NTRK2: variants seen among roughly 807,000 people sequenced by gnomAD.
The protein encoded by NTRK2 is BDNF/NT-3 growth factors receptor.
NTRK2 carries 13 observed loss-of-function variants against 94.5 expected under a neutral mutation model. The observed-to-expected ratio is 0.14, with a 90% CI of 0.09 to 0.22. NTRK2 has a LOEUF of 0.22. Ranked by LOEUF, NTRK2 falls within the 10% of genes least tolerant of loss-of-function variation. The pLI is 1.00. For synonymous variants in NTRK2, 372 were observed against 407.4 expected, an observed-to-expected ratio of 0.91 and a Z score of 1.05; for missense variants, 639 against 1,071.2, an observed-to-expected ratio of 0.60 and a Z score of 5.63.
chr9:84,739,199 C>T (rs1398858183), intron 9 of NTRK2, among the ~76,000 whole-genome samples: 1 of 152,024 alleles, frequency 6.6e-6, no homozygotes, highest in Non-Finnish European at 1.5e-5. Flanking sequence ...TACAGGCATG[C>T]ACCACCATGC....
rs78480824 is a variant in NTRK2, at chr9:84,670,815, G to A, written c.67G>A (p.Val23Met). 1.2e-5 allele frequency: 19 copies of A among 1,614,028 alleles called. No individual in the cohort carries two copies. Among genetic ancestry groups the A allele is most frequent in the Non-Finnish European group, 1.5e-5 (18 of 1,180,048 alleles). The change falls in exon 2 of 19, where the codon GTG becomes ATG. Residue 23 changes from valine to methionine, a missense_variant. Val to Met is a conservative substitution (Grantham distance 21). Around this residue, in one of 5 missense-constraint regions of NTRK2, gnomAD observed 206 missense variants for 251.5 expected, o/e 0.82. Transcript: ENST00000277120. ...GCTCTGGGGCTTCTGCTGGCTGGTT[G>A]TGGGCTTCTGGAGGGCCGCTTTCGC... is the stretch of plus-strand genomic sequence containing the variant. ...ARLWGFCWLV[V>M]GFWRAAFACP...
intron 2 of NTRK2, among the ~76,000 whole-genome samples, chr9:84,683,172 G>T (rs577753534): frequency 2.6e-5 from 4 of 152,178 alleles, no homozygotes; most frequent in African/African-American, 7.2e-5. Flanking sequence ...GTGTGTGTGT[G>T]TTTTCTTGTT....
intron 12 of NTRK2, among the ~76,000 whole-genome samples, chr9:84,849,464 G>C (rs2131866643): frequency 6.6e-6 from 1 of 152,254 alleles, no homozygotes; most frequent in African/African-American, 2.4e-5. Context: ...ACGTAATCAT[G>C]GATCCGTGCT....
chr9:84,873,694 T>G (rs1208792336), intron 14 of NTRK2: 2 of 1,055,826 alleles, frequency 1.9e-6, no homozygotes, highest in Non-Finnish European at 2.3e-6. Context: ...GAGATGAAGA[T>G]TTGTTAGCAA....
At chr9:84,900,016 G>T (rs1392120774) in intron 14 of NTRK2, among the ~76,000 whole-genome samples, 2 of 152,204 alleles carry the variant, frequency 1.3e-5, no homozygotes, top group African/African-American at 4.8e-5. Context: ...AAAGGAAGCA[G>T]GCCATGTTAC....
At chr9:84,986,556 T>C (rs1828333334) in intron 17 of NTRK2, among the ~76,000 whole-genome samples, 1 of 152,234 alleles carries the variant, frequency 6.6e-6, no homozygotes, top group Non-Finnish European at 1.5e-5. Context: ...CAGGGACCAG[T>C]ACCAGTCCAT....
intron 15 of NTRK2, among the ~76,000 whole-genome samples, chr9:84,936,059 A>C (rs919645245): frequency 6.6e-6 from 1 of 152,156 alleles, no homozygotes; most frequent in African/African-American, 2.4e-5. Flanking sequence ...GCTAAGTCAG[A>C]CCTTCAGACT....
At position 85,022,895 on chromosome 9, in the gene NTRK2, A is replaced by G. The variant is rs1446088087; in HGVS notation, c.*1458A>G. The G allele has an allele frequency of 1.7e-5, 4 of 233,198 alleles. No individual in the cohort carries two copies. The highest frequency in any genetic ancestry group is 1.3e-3 in the Middle Eastern group (1 of 788). 14.4% of individuals were successfully genotyped at this position (233,198 alleles called of 1,614,324 possible). On this transcript the variant is annotated 3_prime_UTR_variant, in exon 19 of 19. Transcript: ENST00000277120. ...AGAATCAATCCCTAAGGGAAAGGAA[A>G]CCTCACCCTGAGGGCATCACATGCA...
chr9:84,801,869 C>G (rs1209072927), intron 12 of NTRK2, among the ~76,000 whole-genome samples: 1 of 152,104 alleles, frequency 6.6e-6, no homozygotes, highest in Non-Finnish European at 1.5e-5. Context: ...TCCAGTCATT[C>G]CTGCTATACC....
chr9:84,965,772 T>A (rs950460382), intron 17 of NTRK2, among the ~76,000 whole-genome samples: 4 of 152,170 alleles, frequency 2.6e-5, no homozygotes, highest in Non-Finnish European at 5.9e-5. Flanking sequence ...AAGATGCTCT[T>A]CAAAGTAGTG....
At position 84,758,480 on chromosome 9, in the gene NTRK2, C is replaced by T. The variant is rs568202914; in HGVS notation, c.1396+6395C>T. ...GATCTCGGCTCACCACAACCTCTGC[C>T]GCCCAGCTTCAAGTGATTCTCCTGT... On this transcript the variant is annotated intron_variant, in intron 12 of 18. Transcript: ENST00000277120. Among the ~76,000 whole-genome samples the T allele has an allele frequency of 7.9e-5, 12 of 152,188 alleles. No individual in the cohort carries two copies. The East Asian group carries it at 1.3e-3, about 17-fold the overall frequency.
At chr9:84,687,380 C>T (rs888965622) in intron 2 of NTRK2, among the ~76,000 whole-genome samples, 5 of 152,196 alleles carry the variant, frequency 3.3e-5, no homozygotes, top group Non-Finnish European at 5.9e-5. Context: ...TCTCATTAGA[C>T]CTATTTTTGT....
At chr9:84,909,891 A>G (rs1168077669) in intron 14 of NTRK2, among the ~76,000 whole-genome samples, 1 of 152,074 alleles carries the variant, frequency 6.6e-6, no homozygotes, top group Non-Finnish European at 1.5e-5. Flanking sequence ...TCTTTTCATC[A>G]TTTTAACAGG....
At chr9:85,015,999 A>G (rs1832182903) in intron 17 of NTRK2, among the ~76,000 whole-genome samples, 1 of 152,214 alleles carries the variant, frequency 6.6e-6, no homozygotes. Context: ...TTTTAGGGGC[A>G]TTACTTGCAC....
intron 17 of NTRK2, among the ~76,000 whole-genome samples, chr9:84,990,864 T>C (rs1388373547): frequency 6.6e-6 from 1 of 152,132 alleles, no homozygotes; most frequent in Non-Finnish European, 1.5e-5. Context: ...GAGAGGACAA[T>C]GCTGAGGGGC....
chr9:85,021,662 C>A lies in NTRK2; in HGVS notation c.*225C>A, dbSNP rs1301951326. ...ATTATCTCTTTCTCTCTTTCCATCTCCCTTGGTTGTTCCTTTTTCTTTTTT... is the reference window on the plus strand; with the variant it reads ...ATTATCTCTTTCTCTCTTTCCATCTACCTTGGTTGTTCCTTTTTCTTTTTT... On this transcript the variant is annotated 3_prime_UTR_variant, in exon 19 of 19. Transcript: ENST00000277120. The A allele has an allele frequency of 1.9e-5, 11 of 580,242 alleles. No individual in the cohort carries two copies. The highest frequency in any genetic ancestry group is 4.5e-4 in the Middle Eastern group (1 of 2,230). The allele number at this position is 580,242 out of a possible 1,614,324, so 35.9% of individuals were successfully genotyped here.
chr9:84,687,241 T>C (rs1016955710), intron 2 of NTRK2, among the ~76,000 whole-genome samples: 2 of 152,196 alleles, frequency 1.3e-5, no homozygotes, highest in Non-Finnish European at 2.9e-5. Flanking sequence ...GGAACCAACA[T>C]AAAATGTTTA....
In NTRK2 at chr9:84,786,942, C is replaced by A. The variant is rs1333958163; in HGVS notation, c.1396+34857C>A. Among the ~76,000 whole-genome samples, 5 of 152,122 alleles carry A rather than the reference C, an allele frequency of 3.3e-5. No individual in the cohort carries two copies. In the South Asian group the frequency reaches 8.3e-4, roughly 25 times the overall value. On this transcript the variant is annotated intron_variant, in intron 12 of 18. Coordinates refer to ENST00000277120, the MANE Select transcript of NTRK2 (RefSeq NM_006180.6). ...AACCAAGAAAGAAGCCATTCTGTTTCTCTGCTGGTTAGACTTTTGGAAGCT... is the reference window on the plus strand; with the variant it reads ...AACCAAGAAAGAAGCCATTCTGTTTATCTGCTGGTTAGACTTTTGGAAGCT...
intron 15 of NTRK2, among the ~76,000 whole-genome samples, chr9:84,942,060 T>C (rs930787182): frequency 2.0e-5 from 3 of 152,110 alleles, no homozygotes; most frequent in African/African-American, 7.2e-5. Flanking sequence ...GTCAAAGGAG[T>C]TATATACAAC....
Sources: gnomAD v4.1 joint callset for allele counts (sites outside exome capture counted in the v4.1 genomes callset) on GRCh38, gnomAD v4.1.1 for gene constraint, gnomAD v4.1.1 regional missense constraint, MANE v1.5 for transcripts, NCBI Gene and HGNC (gene_info 2026-07-23, HGNC 2026-07-21) for gene names.